The following ENTPD1 variants were observed in gnomAD, a reference collection of about 807,000 sequenced individuals.
ENTPD1 encodes ectonucleoside triphosphate diphosphohydrolase 1, also known as ATP diphosphohydrolase.
ENTPD1 carries 33 observed loss-of-function variants against 57.0 expected under a neutral mutation model. The ratio of observed to expected loss-of-function variants is 0.58; its 90% CI spans 0.44 to 0.77. The LOEUF is 0.77. ENTPD1 is among the 30% of genes least tolerant of loss of function. The pLI, the probability that ENTPD1 is intolerant of heterozygous loss-of-function variation, is 0.00. For missense variants in ENTPD1, 501 were observed against 603.4 expected (o/e 0.83, Z 1.78); for synonymous variants, 202 against 218.8 (o/e 0.92, Z 0.68).
At chr10:95,857,563 A>G (rs1426173311) in intron 7 of ENTPD1, among the ~76,000 whole-genome samples, 1 of 152,242 alleles carries the variant, frequency 6.6e-6, no homozygotes, top group Non-Finnish European at 1.5e-5. Context: ...CACTAGAGGA[A>G]AAATGAGGAA....
intron 1 of ENTPD1, among the ~76,000 whole-genome samples, chr10:95,741,636 T>C (rs1213447656): frequency 6.6e-6 from 1 of 152,174 alleles, no homozygotes; most frequent in African/African-American, 2.4e-5. Flanking sequence ...GGAGTATGCC[T>C]GTAAGAAACA....
the ENTPD1 span, among the ~76,000 whole-genome samples, chr10:95,706,738 G>C: frequency 2.0e-5 from 3 of 152,310 alleles, no homozygotes; most frequent in African/African-American, 7.2e-5. Flanking sequence ...TGGTCCATGG[G>C]TGGTCATAGG....
intron 3 of ENTPD1, among the ~76,000 whole-genome samples, chr10:95,840,134 A>G (rs1344557004): frequency 2.0e-5 from 3 of 152,192 alleles, no homozygotes; most frequent in Non-Finnish European, 4.4e-5. Flanking sequence ...GCATTATTAT[A>G]CTAATTTTTT....
intron 2 of ENTPD1, among the ~76,000 whole-genome samples, chr10:95,837,985 A>ACAC (rs2098414392): frequency 6.8e-6 from 1 of 146,322 alleles, no homozygotes; most frequent in African/African-American, 2.6e-5. Context: ...CACACACACC[A>ACAC]CACACCCACA....
At chr10:95,860,030 T>C (rs780168009) in intron 7 of ENTPD1, among the ~76,000 whole-genome samples, 2 of 152,196 alleles carry the variant, frequency 1.3e-5, no homozygotes, top group Non-Finnish European at 2.9e-5. Flanking sequence ...ATATTCATTA[T>C]AGAAAATAGG....
chr10:95,730,626 A>G (rs1054423931), intron 1 of ENTPD1, among the ~76,000 whole-genome samples: 2 of 152,240 alleles, frequency 1.3e-5, no homozygotes, highest in East Asian at 3.8e-4. Context: ...ATTAGTGGTA[A>G]GAAAATAATT....
chr10:95,756,071 T>C (rs536952051), upstream of ENTPD1: 34 of 1,504,832 alleles, frequency 2.3e-5, no homozygotes, highest in Admixed American at 8.2e-4. Context: ...AAGACAGGGT[T>C]TGAGGTTCCT....
chr10:95,752,430 A>G (rs1283309009), upstream of ENTPD1, among the ~76,000 whole-genome samples: 4 of 152,124 alleles, frequency 2.6e-5, no homozygotes, highest in Non-Finnish European at 4.4e-5. Context: ...CGAGGTGGGC[A>G]GATCACCTGA....
chr10:95,785,155 C>A (rs918363055), intron 1 of ENTPD1: 1 of 152,136 alleles, frequency 6.6e-6, no homozygotes. Context: ...ACTTTGTTGG[C>A]AACTCCCGTT....
intron 5 of ENTPD1, 58 bp downstream of exon 5, chr10:95,844,693 C>T (rs2098430540): frequency 6.2e-7 from 1 of 1,603,826 alleles, no homozygotes; most frequent in Non-Finnish European, 8.5e-7. Flanking sequence ...CCATTGCTAT[C>T]TCAGGCAGTA....
chr10:95,788,857 A>T (rs2098191449), intron 1 of ENTPD1, among the ~76,000 whole-genome samples: 1 of 152,202 alleles, frequency 6.6e-6, no homozygotes, highest in Non-Finnish European at 1.5e-5. Context: ...TAAAATAAAC[A>T]GTTTTCCCCC....
intron 1 of ENTPD1, among the ~76,000 whole-genome samples, chr10:95,804,482 CTGTT>C (rs1313799383): frequency 1.1e-4 from 17 of 152,296 alleles, no homozygotes; most frequent in African/African-American, 3.6e-4. Context: ...ATTTGGCTCT[CTGTT>C]TGTCTGTTAC....
chr10:95,813,920 A>G (rs1408979727), intron 1 of ENTPD1, among the ~76,000 whole-genome samples: 4 of 152,216 alleles, frequency 2.6e-5, no homozygotes, highest in African/African-American at 9.6e-5. Context: ...CTAGAGATGC[A>G]TGGCCAATAC....
At chr10:95,794,006 T>C (rs1160769562) in intron 1 of ENTPD1, among the ~76,000 whole-genome samples, 3 of 152,234 alleles carry the variant, frequency 2.0e-5, no homozygotes, top group African/African-American at 7.2e-5. Flanking sequence ...CTAATATATA[T>C]CTGCATAAAA....
At chr10:95,712,384 A>G (rs1376124710) in intron 1 of ENTPD1, among the ~76,000 whole-genome samples, 1 of 152,138 alleles carries the variant, frequency 6.6e-6, no homozygotes. Context: ...AACCAGATGA[A>G]GTTCTCCTAT....
chr10:95,837,117 G>T (rs184309720), intron 2 of ENTPD1, among the ~76,000 whole-genome samples: 23 of 152,326 alleles, frequency 1.5e-4, no homozygotes, highest in African/African-American at 5.3e-4. Flanking sequence ...CTACCTCACT[G>T]TGTAAGTAAG....
At chr10:95,802,753 C>T (rs1218884877) in intron 1 of ENTPD1, among the ~76,000 whole-genome samples, 1 of 152,094 alleles carries the variant, frequency 6.6e-6, no homozygotes, top group African/African-American at 2.4e-5. Flanking sequence ...TGATGGTTTC[C>T]ATCTTCATCC....
rs555013158 is a variant in ENTPD1, at chr10:95,775,212, T to C, written c.16+18957T>C. On this transcript the variant is annotated intron_variant, in intron 1 of 9. Transcript: ENST00000371205. ...GACTTTGCTGAAGTTGCTTATCAGC[T>C]TAAGGAGATTTTGGGCTGAGACAAT... 6.0e-4 allele frequency among the ~76,000 whole-genome samples: 91 copies of C among 152,370 alleles called. 1 individual carries two copies. Among genetic ancestry groups the C allele is most frequent in the Non-Finnish European group, 9.3e-4 (63 of 68,042 alleles).
chr10:95,786,054 A>T (rs1029866079), intron 1 of ENTPD1, among the ~76,000 whole-genome samples: 7 of 152,170 alleles, frequency 4.6e-5, no homozygotes, highest in Non-Finnish European at 8.8e-5. Context: ...CAGGTGAAAG[A>T]GAGGTGTTTA....
Sources: gnomAD v4.1 joint callset for allele counts (sites outside exome capture counted in the v4.1 genomes callset) on GRCh38, gnomAD v4.1.1 for gene constraint, MANE v1.5 for transcripts, NCBI Gene and HGNC (gene_info 2026-07-23, HGNC 2026-07-21) for gene names.